USP32: variants seen among roughly 807,000 people sequenced by gnomAD.
USP32 encodes ubiquitin carboxyl-terminal hydrolase 32.
USP32 carries 59 observed loss-of-function variants against 204.8 expected under a neutral mutation model. The ratio of observed to expected loss-of-function variants is 0.29; its 90% CI spans 0.23 to 0.36. The LOEUF (loss-of-function observed/expected upper bound fraction) is 0.36. Among genes scored for constraint, USP32 ranks in the 10% least tolerant of loss-of-function variants. The pLI, the probability that USP32 is intolerant of heterozygous loss-of-function variation, is 1.00. For missense variants in USP32, 1,160 were observed against 1,946.4 expected, an observed-to-expected ratio of 0.60 and a Z score of 7.60; for synonymous variants, 517 against 678.4, an observed-to-expected ratio of 0.76 and a Z score of 3.70.
intron 1 of USP32, among the ~76,000 whole-genome samples, chr17:60,351,632 T>A (rs1474071305): frequency 1.3e-5 from 2 of 152,202 alleles, no homozygotes; most frequent in African/African-American, 4.8e-5. Flanking sequence ...TTCGCCATGC[T>A]GGCCAGGCTG....
chr17:60,286,808 C>T (rs567929724), intron 5 of USP32, among the ~76,000 whole-genome samples: 1 of 152,270 alleles, frequency 6.6e-6, no homozygotes, highest in South Asian at 2.1e-4. Context: ...GACCTTAGAC[C>T]ACAGGGGAAC....
Position 60,183,244 on chromosome 17 carries a change from C to G in USP32, c.4044G>C (p.Gln1348His), listed in dbSNP as rs542025011. 6.2e-7 allele frequency: 1 copy of G among 1,613,998 alleles called. No individual in the cohort carries two copies. The highest frequency in any genetic ancestry group is 1.3e-5 in the African/African-American group (1 of 75,052). ...LAREVKKVDAQSSAGEEDVLL... is the reference protein window; with the variant it reads ...LAREVKKVDAHSSAGEEDVLL... ...GCACGTCCTCTTCCCCAGCCGAACT[C>G]TGCGCATCCACTTTCTTCACCTCCC... The change falls in exon 31 of 34, where the codon CAG becomes CAC. Residue 1348 changes from glutamine to histidine, a missense_variant. Transcript: ENST00000300896.
Position 60,226,124 on chromosome 17 carries a change from G to C in USP32, c.1347C>G (p.Ser449Arg). The change falls in exon 13 of 34, where the codon AGC (serine) becomes AGG (arginine). Residue 449 changes from serine to arginine, a missense_variant. Ser to Arg is a moderately radical substitution (Grantham distance 110). Coordinates refer to ENST00000300896, the MANE Select transcript of USP32 (RefSeq NM_032582.4). ...CTGTAGTATTCACGTAACTGAGGCT[G>C]CTTCCAATTCTATCTTCGACCTGCT... ...PMEQVEDRIG[S>R]SLSYVNTTEE... The C allele has an allele frequency of 6.2e-7, 1 of 1,608,746 alleles. No individual in the cohort carries two copies. Among genetic ancestry groups the C allele is most frequent in the South Asian group, 1.1e-5 (1 of 89,836 alleles).
intron 5 of USP32, among the ~76,000 whole-genome samples, chr17:60,272,919 T>G (rs1219620805): frequency 6.6e-6 from 1 of 152,180 alleles, no homozygotes; most frequent in Admixed American, 6.5e-5. Context: ...TGTGTATACA[T>G]GAAGTGAATA....
At chr17:60,208,883 T>C in intron 22 of USP32, 55 bp from the exon 23 acceptor site, 3 of 1,480,054 alleles carry the variant, frequency 2.0e-6, no homozygotes, top group Non-Finnish European at 2.7e-6. Flanking sequence ...GAAGCATTTC[T>C]ATATAAATTC....
Position 60,205,470 on chromosome 17 carries a change from T to C in USP32, c.3226A>G (p.Ile1076Val). 1.2e-6 allele frequency: 2 copies of C among 1,612,750 alleles called. No individual in the cohort carries two copies. The highest frequency in any genetic ancestry group is 8.5e-7 in the Non-Finnish European group (1 of 1,178,872). ...SLPDSPFTGY[I>V]IAVHRKMMRT... ...ACCATTTTTCGGTGGACTGCAATGA[T>C]GTAACCTGTAAAGGGGCTGTCAGGA... The change falls in exon 26 of 34, where the codon ATC becomes GTC. Residue 1076 changes from isoleucine (I) to valine (V), a missense_variant. By Grantham distance (29) the Ile-to-Val change is conservative (BLOSUM62 3). Around this residue, in one of 8 missense-constraint regions of USP32, gnomAD observed 160 missense variants for 322.5 expected, o/e 0.50. Transcript: ENST00000300896.
At chr17:60,230,275 G>A (rs1434525529) in intron 12 of USP32, among the ~76,000 whole-genome samples, 1 of 152,152 alleles carries the variant, frequency 6.6e-6, no homozygotes, top group Non-Finnish European at 1.5e-5. Flanking sequence ...ATGTTTGAAA[G>A]TCTTACATGG....
At chr17:60,184,825 A>C (rs1247373287) in intron 30 of USP32, among the ~76,000 whole-genome samples, 2 of 151,994 alleles carry the variant, frequency 1.3e-5, no homozygotes, top group African/African-American at 4.8e-5. Context: ...AAAAAAAAAA[A>C]AAAACATATA....
At chr17:60,361,538 G>A (rs2089207097) in intron 1 of USP32, among the ~76,000 whole-genome samples, 1 of 152,058 alleles carries the variant, frequency 6.6e-6, no homozygotes. Context: ...TGAGCACTAG[G>A]GTCATTCCCA....
intron 1 of USP32, among the ~76,000 whole-genome samples, chr17:60,407,498 C>A (rs1484744956): frequency 6.6e-6 from 1 of 152,122 alleles, no homozygotes; most frequent in Non-Finnish European, 1.5e-5. Flanking sequence ...GCTAGAACTG[C>A]TTAATGAAGC....
intron 2 of USP32, among the ~76,000 whole-genome samples, chr17:60,325,256 A>C (rs568121671): frequency 6.6e-6 from 1 of 152,132 alleles, no homozygotes; most frequent in Admixed American, 6.6e-5. Flanking sequence ...TCTACAAAAA[A>C]TACAAAAATT....
rs1375858964 is a variant in USP32, at chr17:60,177,524, C to G, written c.*1731G>C. ...AGTATAACAAACACAGATCAAACAA[C>G]ATTAGTAGATTGAGCTACCTGCTTA... On this transcript the variant is annotated 3_prime_UTR_variant, in exon 34 of 34. Coordinates refer to ENST00000300896, the MANE Select transcript of USP32 (RefSeq NM_032582.4). Among the ~76,000 whole-genome samples, 1 of 152,116 alleles carries G rather than the reference C, an allele frequency of 6.6e-6. No individual in the cohort carries two copies. Among genetic ancestry groups the G allele is most frequent in the Non-Finnish European group, 1.5e-5 (1 of 68,022 alleles).
chr17:60,392,347 G>C, upstream of USP32: 1 of 278,240 alleles, frequency 3.6e-6, no homozygotes, highest in Non-Finnish European at 7.0e-6. Flanking sequence ...ACCGCGCGCA[G>C]GAGCGCCGGG....
chr17:60,392,553 C>T, upstream of USP32: 1 of 415,172 alleles, frequency 2.4e-6, no homozygotes, highest in Non-Finnish European at 4.9e-6. Context: ...GTTAGTGTGG[C>T]AGTTGCCGGG....
At chr17:60,397,513 C>T (rs891204733) in intron 1 of USP32, among the ~76,000 whole-genome samples, 3 of 152,106 alleles carry the variant, frequency 2.0e-5, no homozygotes, top group African/African-American at 7.2e-5. Flanking sequence ...AGGTGCACAC[C>T]ACCACACCTG....
chr17:60,178,495 C>T lies in USP32; in HGVS notation c.*760G>A, dbSNP rs977051168. On this transcript the variant is annotated 3_prime_UTR_variant, in exon 34 of 34. Transcript: ENST00000300896. ...GAAGTATCCTAAATGTAAGATGCCT[C>T]CACTGGGAGGGCCATGGTAGCTGGA... Among the ~76,000 whole-genome samples, 1 of 152,140 alleles carries T rather than the reference C, an allele frequency of 6.6e-6. No individual in the cohort carries two copies. The highest frequency in any genetic ancestry group is 2.4e-5 in the African/African-American group (1 of 41,442).
chr17:60,393,796 T>G (rs932993319), upstream of USP32, among the ~76,000 whole-genome samples: 9 of 152,170 alleles, frequency 5.9e-5, no homozygotes, highest in African/African-American at 2.2e-4. Context: ...GCGACTCTCC[T>G]GCCTCAGCCT....
intron 2 of USP32, among the ~76,000 whole-genome samples, chr17:60,316,576 C>T (rs1400397056): frequency 5.3e-5 from 8 of 152,112 alleles, no homozygotes; most frequent in Non-Finnish European, 4.4e-5. Context: ...CACGGTGGCT[C>T]ATGCCTGTAA....
At chr17:60,224,744 T>C (rs781002130) in intron 13 of USP32, among the ~76,000 whole-genome samples, 6 of 152,176 alleles carry the variant, frequency 3.9e-5, no homozygotes, top group African/African-American at 4.8e-5. Context: ...GATCATGCCA[T>C]TGCACTACAG....
Sources: allele counts gnomAD v4.1 joint callset (sites outside exome capture counted in the v4.1 genomes callset), GRCh38; gene constraint gnomAD v4.1.1; regional missense constraint gnomAD v4.1.1; transcripts MANE v1.5; gene names NCBI Gene and HGNC (gene_info 2026-07-23, HGNC 2026-07-21).